The following PDCD2L variants were observed in gnomAD, a reference collection of about 807,000 sequenced individuals.
The protein encoded by PDCD2L is uS5 assembly chaperone PDCD2L.
PDCD2L carries 44 observed loss-of-function variants against 40.4 expected under a neutral mutation model. The ratio of observed to expected loss-of-function variants is 1.09; its 90% CI spans 0.86 to 1.40. PDCD2L has a LOEUF of 1.40. PDCD2L is among the 40% of genes most tolerant of loss of function. PDCD2L has a pLI of 0.00. For synonymous variants in PDCD2L, 194 were observed against 174.6 expected, an observed-to-expected ratio of 1.11 and a Z score of -0.88; for missense variants, 470 against 453.7, an observed-to-expected ratio of 1.04 and a Z score of -0.33.
At chr19:34,418,495 T>C (rs1183418850) in intron 5 of PDCD2L, among the ~76,000 whole-genome samples, 1 of 152,232 alleles carries the variant, frequency 6.6e-6, no homozygotes, top group Admixed American at 6.5e-5. Flanking sequence ...TCGTATTCCA[T>C]TGTATGGATG....
intron 6 of PDCD2L, among the ~76,000 whole-genome samples, chr19:34,424,400 A>G (rs2075166439): frequency 6.6e-6 from 1 of 152,192 alleles, no homozygotes; most frequent in South Asian, 2.1e-4. Context: ...GAGAGACCGA[A>G]GCAAATTTTA....
At chr19:34,425,057 T>C (rs900591569) in intron 6 of PDCD2L, among the ~76,000 whole-genome samples, 2 of 152,224 alleles carry the variant, frequency 1.3e-5, no homozygotes, top group Non-Finnish European at 2.9e-5. Context: ...AGCCAATGCA[T>C]ACATTTTTAA....
chr19:34,415,432 C>G (rs1162865228), intron 5 of PDCD2L, among the ~76,000 whole-genome samples: 1 of 152,048 alleles, frequency 6.6e-6, no homozygotes, highest in Non-Finnish European at 1.5e-5. Context: ...TAAAAACAAA[C>G]CTGTATGATT....
chr19:34,405,143 GTTTTTTT>G (rs74177144), intron 3 of PDCD2L, among the ~76,000 whole-genome samples, 153 bp downstream of exon 3: 9 of 111,080 alleles, frequency 8.1e-5, no homozygotes, highest in Admixed American at 7.2e-4. Flanking sequence ...TTTTCGTAAA[GTTTTTTT>G]TTTTTTTTTT....
intron 5 of PDCD2L, among the ~76,000 whole-genome samples, chr19:34,416,688 G>A (rs149342287): frequency 1.3e-5 from 2 of 152,302 alleles, no homozygotes; most frequent in African/African-American, 2.4e-5. Context: ...GCAAATAGAT[G>A]GTCTTAACTG....
intron 5 of PDCD2L, among the ~76,000 whole-genome samples, chr19:34,416,411 A>AT (rs1357495127): frequency 2.0e-5 from 3 of 152,132 alleles, no homozygotes; most frequent in African/African-American, 7.2e-5. Flanking sequence ...CAGAGCAATG[A>AT]TTGGAAAGTT....
intron 3 of PDCD2L, 30 bp from the exon 4 acceptor site, chr19:34,409,131 T>C: frequency 6.3e-7 from 1 of 1,591,568 alleles, no homozygotes; most frequent in Non-Finnish European, 8.6e-7. Context: ...CCAAATGTGC[T>C]CGGACCTCAT....
intron 6 of PDCD2L, chr19:34,421,905 TG>T (rs1335036031): frequency 6.0e-6 from 2 of 333,382 alleles, no homozygotes; most frequent in Non-Finnish European, 1.1e-5. Flanking sequence ...CTGGCCAATG[TG>T]GTGAAACCCT....
chr19:34,411,851 C>T (rs2075104807), intron 4 of PDCD2L, among the ~76,000 whole-genome samples: 2 of 151,380 alleles, frequency 1.3e-5, no homozygotes, highest in Admixed American at 6.6e-5. Context: ...GATGGGGCTT[C>T]ACCATGTTGG....
At chr19:34,418,452 T>C (rs758834864) in intron 5 of PDCD2L, among the ~76,000 whole-genome samples, 2 of 152,208 alleles carry the variant, frequency 1.3e-5, no homozygotes, top group African/African-American at 2.4e-5. Flanking sequence ...TCTTATTGCA[T>C]GTATCAATAG....
Position 34,409,211 on chromosome 19 carries a change from C to T in PDCD2L, c.387C>T (p.Asp129=). 1 of 1,614,110 alleles carries T rather than the reference C, an allele frequency of 6.2e-7. No homozygotes were observed. Among genetic ancestry groups the T allele is most frequent in the Non-Finnish European group, 8.5e-7 (1 of 1,179,992 alleles). Residue 129 remains aspartate, a synonymous_variant, in exon 4 of 7, where the codon GAC becomes GAT. Coordinates refer to ENST00000246535, the MANE Select transcript of PDCD2L (RefSeq NM_032346.2). The part of the protein sequence containing the change: ...AAEDWCEGAD[D]WGSDTEEGPS... ...AGGACTGGTGTGAAGGTGCTGATGACTGGGGAAGTGATACTGAGGAGGGGC... is the reference window on the plus strand; with the variant it reads ...AGGACTGGTGTGAAGGTGCTGATGATTGGGGAAGTGATACTGAGGAGGGGC...
chr19:34,418,364 G>A (rs1220873984), intron 5 of PDCD2L, among the ~76,000 whole-genome samples: 5 of 151,988 alleles, frequency 3.3e-5, no homozygotes, highest in Non-Finnish European at 7.4e-5. Context: ...CATTTCCTGT[G>A]AAAGTATATA....
At chr19:34,420,286 C>T (rs564961641) in intron 5 of PDCD2L, among the ~76,000 whole-genome samples, 4 of 151,602 alleles carry the variant, frequency 2.6e-5, no homozygotes, top group East Asian at 1.9e-4. Context: ...CCACGGTACC[C>T]GGCCTACCTT....
intron 3 of PDCD2L, among the ~76,000 whole-genome samples, chr19:34,407,435 G>A (rs1414630418): frequency 6.6e-6 from 1 of 152,162 alleles, no homozygotes; most frequent in Non-Finnish European, 1.5e-5. Flanking sequence ...CACCACACCT[G>A]GCCACTCCAG....
rs1025465412 is a variant in PDCD2L at position 34,404,502 on chromosome 19, G to A, written c.72G>A (p.Pro24=). ...DAPVHGSPTG[P]GAWTASKLGG... ...CGGTGCACGGCAGCCCCACAGGGCCGGGTGCCTGGACTGCTAGCAAGCTGG... is the reference window on the plus strand; with the variant it reads ...CGGTGCACGGCAGCCCCACAGGGCCAGGTGCCTGGACTGCTAGCAAGCTGG... The change falls in exon 1 of 7, where the codon CCG becomes CCA. Residue 24 remains proline, a synonymous_variant. Transcript: ENST00000246535. 11 of 1,542,884 alleles carry A rather than the reference G, an allele frequency of 7.1e-6. No homozygotes were observed. The highest frequency in any genetic ancestry group is 4.1e-5 in the African/African-American group (3 of 73,054).
At chr19:34,408,732 C>T (rs2075088347) in intron 3 of PDCD2L, among the ~76,000 whole-genome samples, 1 of 152,156 alleles carries the variant, frequency 6.6e-6, no homozygotes, top group African/African-American at 2.4e-5. Context: ...CAATGGCTAC[C>T]TTTTGCTATG....
At chr19:34,408,909 G>C (rs1022324019) in intron 3 of PDCD2L, among the ~76,000 whole-genome samples, 12 of 152,152 alleles carry the variant, frequency 7.9e-5, no homozygotes, top group Non-Finnish European at 1.8e-4. Flanking sequence ...AAAGATATTG[G>C]AACGGATGGT....
At chr19:34,417,242 CTA>C (rs1387451813) in intron 5 of PDCD2L, among the ~76,000 whole-genome samples, 2 of 152,180 alleles carry the variant, frequency 1.3e-5, no homozygotes, top group Non-Finnish European at 2.9e-5. Context: ...AATAAAGTAA[CTA>C]TGTATGAATC....
intron 3 of PDCD2L, among the ~76,000 whole-genome samples, chr19:34,405,666 C>A (rs142145271): frequency 6.7e-6 from 1 of 149,904 alleles, no homozygotes; most frequent in South Asian, 2.1e-4. Context: ...TTTGGGAGGC[C>A]GAGGCGGGCG....
Sources: allele counts gnomAD v4.1 joint callset (sites outside exome capture counted in the v4.1 genomes callset), GRCh38; gene constraint gnomAD v4.1.1; transcripts MANE v1.5; gene names NCBI Gene and HGNC (gene_info 2026-07-23, HGNC 2026-07-21).